Variants in GALNT18 observed in about 807,000 individuals in gnomAD.
GALNT18 encodes the protein GalNAc-transferase 18.
GALNT18 carries 44 observed loss-of-function variants against 69.5 expected under a neutral mutation model. That is an observed-to-expected ratio of 0.63 (90% CI 0.50 to 0.81). The LOEUF is 0.81. Ranked by LOEUF, GALNT18 falls within the 40% of genes least tolerant of loss-of-function variation. The pLI, the probability that GALNT18 is intolerant of heterozygous loss-of-function variation, is 0.00. For synonymous variants in GALNT18, 364 were observed against 318.2 expected, an observed-to-expected ratio of 1.14 and a Z score of -1.53; for missense variants, 715 against 810.0, an observed-to-expected ratio of 0.88 and a Z score of 1.42.
At chr11:11,449,831 T>G (rs1041121302) in intron 1 of GALNT18, among the ~76,000 whole-genome samples, 33 of 152,140 alleles carry the variant, frequency 2.2e-4, no homozygotes, top group Admixed American at 1.3e-4. Context: ...CCTCCAGAGA[T>G]TGTGAGGATT....
rs1239599561 is a variant in GALNT18 at position 11,505,600 on chromosome 11, T to C, written c.236-56664A>G. Reference sequence around the variant, plus strand: ...CCTCCCCCATCAATGCCACATCATCTGGATTCAGTCTCCGACATCCCAATG... The same window carrying C: ...CCTCCCCCATCAATGCCACATCATCCGGATTCAGTCTCCGACATCCCAATG... On this transcript the variant is annotated intron_variant, in intron 1 of 10. Transcript: ENST00000227756. This position sits in a 1 kb window ranked among gnomAD's most constrained non-coding sequence, Gnocchi z 4.6. Among the ~76,000 whole-genome samples, 1 of 152,190 alleles carries C rather than the reference T, an allele frequency of 6.6e-6. No individual in the cohort carries two copies. The highest frequency in any genetic ancestry group is 1.5e-5 in the Non-Finnish European group (1 of 68,036).
intron 2 of GALNT18, among the ~76,000 whole-genome samples, chr11:11,434,368 G>A (rs1228635394): frequency 2.0e-5 from 3 of 152,164 alleles, no homozygotes; most frequent in African/African-American, 4.8e-5. Context: ...TATTTATTGA[G>A]TATCTTCCAC....
chr11:11,519,983 GGAA>G (rs1195263809), intron 1 of GALNT18, among the ~76,000 whole-genome samples: 2 of 152,198 alleles, frequency 1.3e-5, no homozygotes, highest in Non-Finnish European at 2.9e-5. Context: ...CCAAAGACCC[GGAA>G]GAGGTCACCA....
chr11:11,558,986 C>A (rs1270715313), intron 1 of GALNT18, among the ~76,000 whole-genome samples: 4 of 152,214 alleles, frequency 2.6e-5, no homozygotes, highest in South Asian at 2.1e-4. Flanking sequence ...AGAGCTCCAG[C>A]CCCAACTCAA....
intron 6 of GALNT18, among the ~76,000 whole-genome samples, chr11:11,351,240 C>T (rs1850395482): frequency 6.6e-6 from 1 of 152,164 alleles, no homozygotes; most frequent in African/African-American, 2.4e-5. Context: ...GACTCCTGCA[C>T]ATCGGGCTGC....
At chr11:11,292,962 G>A (rs2133005003) in intron 10 of GALNT18, 67 bp downstream of exon 10, 2 of 1,306,680 alleles carry the variant, frequency 1.5e-6, no homozygotes, top group Non-Finnish European at 9.9e-7. Context: ...CACCTCCCTG[G>A]CCCCTGAGGC....
chr11:11,410,346 T>A (rs1854699349), intron 3 of GALNT18, among the ~76,000 whole-genome samples: 1 of 152,136 alleles, frequency 6.6e-6, no homozygotes, highest in African/African-American at 2.4e-5. Context: ...GAGTGCCACC[T>A]GCTCCTTGCC....
chr11:11,580,023 G>A (rs529204178), intron 1 of GALNT18, among the ~76,000 whole-genome samples: 17 of 152,202 alleles, frequency 1.1e-4, no homozygotes, highest in Non-Finnish European at 2.2e-4. Flanking sequence ...GAGGGAGTCT[G>A]GACGGTGGAA....
intron 3 of GALNT18, among the ~76,000 whole-genome samples, chr11:11,424,672 A>G (rs988586032): frequency 2.0e-5 from 3 of 152,156 alleles, no homozygotes; most frequent in South Asian, 2.1e-4. Context: ...TAGTCAGTCA[A>G]TAACCAGGTA....
rs1849737601 is a variant in GALNT18 at position 11,315,522 on chromosome 11, AG to A, written c.1512+11563del. ...GAGACTCTGGAGTGGGGATAACCGC[AG>A]GTTTTCAGCCCAACTCTTAGCCTCC... On this transcript the variant is annotated intron_variant, in intron 9 of 10. Coordinates refer to ENST00000227756, the MANE Select transcript of GALNT18 (RefSeq NM_198516.3). The surrounding 1 kb of genome is among the most constrained non-coding windows in gnomAD (Gnocchi z 5.6). Among the ~76,000 whole-genome samples the A allele has an allele frequency of 6.6e-6, 1 of 152,150 alleles. No homozygotes were observed. Among genetic ancestry groups the A allele is most frequent in the Non-Finnish European group, 1.5e-5 (1 of 68,022 alleles).
At position 11,396,463 on chromosome 11, in the gene GALNT18, T is replaced by C. The variant is rs1382411387; in HGVS notation, c.596-17199A>G. 1.3e-5 allele frequency among the ~76,000 whole-genome samples: 2 copies of C among 152,094 alleles called. No individual in the cohort carries two copies. ...AGAATTCACGTGTGGGAGGTACCGA[T>C]GAATCAGACGAGGAAACTATCCAGA... On this transcript the variant is annotated intron_variant, in intron 3 of 10. Coordinates refer to ENST00000227756, the MANE Select transcript of GALNT18 (RefSeq NM_198516.3). The surrounding 1 kb of genome is among the most constrained non-coding windows in gnomAD (Gnocchi z 5.2).
At chr11:11,453,677 T>G (rs983367907) in intron 1 of GALNT18, among the ~76,000 whole-genome samples, 3 of 152,116 alleles carry the variant, frequency 2.0e-5, no homozygotes, top group African/African-American at 7.2e-5. Flanking sequence ...GTTCTCACGA[T>G]AGTGAATAAC....
rs1859263277 is a variant in GALNT18, at chr11:11,587,862, T to C, written c.235+33497A>G. ...TCCAAAGAATAATAAGAACACAAAA[T>C]ATAGAAATCCGAAAGGAAAGAGAGA... On this transcript the variant is annotated intron_variant, in intron 1 of 10. Transcript: ENST00000227756. This position sits in a 1 kb window ranked among gnomAD's most constrained non-coding sequence, Gnocchi z 4.4. Among the ~76,000 whole-genome samples, 1 of 151,130 alleles carries C rather than the reference T, an allele frequency of 6.6e-6. No individual in the cohort carries two copies. The highest frequency in any genetic ancestry group is 1.5e-5 in the Non-Finnish European group (1 of 67,846).
At chr11:11,278,739 T>A (rs1182398933) in intron 10 of GALNT18, among the ~76,000 whole-genome samples, 1 of 152,092 alleles carries the variant, frequency 6.6e-6, no homozygotes, top group Non-Finnish European at 1.5e-5. Flanking sequence ...CAGGGATGGT[T>A]AATAGGTACA....
At chr11:11,289,989 T>A (rs565905878) in intron 10 of GALNT18, among the ~76,000 whole-genome samples, 2 of 152,302 alleles carry the variant, frequency 1.3e-5, no homozygotes, top group African/African-American at 4.8e-5. Flanking sequence ...AATACCCATG[T>A]CTGGATGACA....
intron 1 of GALNT18, among the ~76,000 whole-genome samples, chr11:11,489,370 C>T (rs1433346970): frequency 1.3e-5 from 2 of 152,304 alleles, no homozygotes; most frequent in Non-Finnish European, 1.5e-5. Flanking sequence ...GACTAGTACA[C>T]ATTACATTGA....
intron 3 of GALNT18, 112 bp from the exon 4 acceptor site, chr11:11,379,376 A>G (rs1479546018): frequency 1.9e-6 from 2 of 1,054,888 alleles, no homozygotes; most frequent in South Asian, 1.6e-5. Flanking sequence ...TGGGGGACCC[A>G]TTCCCCTCCC....
At chr11:11,615,908 G>A in intron 1 of GALNT18, among the ~76,000 whole-genome samples, 1 of 152,250 alleles carries the variant, frequency 6.6e-6, no homozygotes, top group Non-Finnish European at 1.5e-5. Context: ...AATTATGTAT[G>A]TAACATATAA....
chr11:11,462,852 A>G (rs766426745), intron 1 of GALNT18, among the ~76,000 whole-genome samples: 5 of 152,004 alleles, frequency 3.3e-5, no homozygotes, highest in Non-Finnish European at 4.4e-5. Context: ...TCCCTCCACC[A>G]CCCGGGAGGG....
Sources: allele counts gnomAD v4.1 joint callset (sites outside exome capture counted in the v4.1 genomes callset), GRCh38; gene constraint gnomAD v4.1.1; non-coding constraint Gnocchi (gnomAD v3.1); transcripts MANE v1.5; gene names NCBI Gene and HGNC (gene_info 2026-07-23, HGNC 2026-07-21).